CPQ: variants seen among roughly 807,000 people sequenced by gnomAD.
CPQ encodes carboxypeptidase Q.
CPQ carries 37 observed loss-of-function variants against 45.7 expected under a neutral mutation model. The observed-to-expected ratio is 0.81, with a 90% CI of 0.62 to 1.07. The LOEUF (loss-of-function observed/expected upper bound fraction) is 1.07. Among genes scored for constraint, CPQ ranks in the 50% least tolerant of loss-of-function variants. CPQ has a pLI of 0.00. For missense variants in CPQ, 537 were observed against 572.9 expected (o/e 0.94, Z 0.64); for synonymous variants, 186 against 205.8 (o/e 0.90, Z 0.82).
rs1327185423 is a variant in CPQ at position 96,879,782 on chromosome 8, G to T, written c.642-16G>T. ...ATTTCCACTTTCAAGGTAACCTGGT[G>T]GCTTCTTCTCTCAAGTCCTCACACA... On this transcript the variant is annotated splice_polypyrimidine_tract_variant and intron_variant, in intron 3 of 7. Transcript: ENST00000220763. 1 of 1,607,868 alleles carries T rather than the reference G, an allele frequency of 6.2e-7. No individual in the cohort carries two copies. Among genetic ancestry groups the T allele is most frequent in the East Asian group, 2.2e-5 (1 of 44,832 alleles).
intron 3 of CPQ, among the ~76,000 whole-genome samples, chr8:96,864,367 G>A (rs1811969019): frequency 6.6e-6 from 1 of 152,030 alleles, no homozygotes; most frequent in Admixed American, 6.6e-5. Flanking sequence ...GAGACTTTAT[G>A]CATGGCCCCA....
At chr8:96,766,336 CTG>C (rs1002823278) in intron 1 of CPQ, among the ~76,000 whole-genome samples, 5 of 152,206 alleles carry the variant, frequency 3.3e-5, no homozygotes, top group African/African-American at 1.2e-4. Flanking sequence ...GTTGTCATCT[CTG>C]TCACTTGGTG....
intron 1 of CPQ, among the ~76,000 whole-genome samples, chr8:96,777,562 C>G (rs1246796824): frequency 6.6e-6 from 1 of 151,442 alleles, no homozygotes; most frequent in African/African-American, 2.4e-5. Flanking sequence ...TTACTTATTA[C>G]CTATACGGTT....
chr8:96,783,064 G>T (rs905472333), intron 1 of CPQ, among the ~76,000 whole-genome samples: 1 of 152,080 alleles, frequency 6.6e-6, no homozygotes, highest in Non-Finnish European at 1.5e-5. Flanking sequence ...TTTCTCTCTG[G>T]CTCATCTGCT....
intron 7 of CPQ, among the ~76,000 whole-genome samples, chr8:97,120,895 G>A (rs1218680325): frequency 6.6e-6 from 1 of 152,130 alleles, no homozygotes; most frequent in African/African-American, 2.4e-5. Context: ...ACTGACAATA[G>A]CTACCATATT....
chr8:97,121,821 CA>C, intron 7 of CPQ, among the ~76,000 whole-genome samples: 1 of 151,938 alleles, frequency 6.6e-6, no homozygotes, highest in South Asian at 2.1e-4. Flanking sequence ...GAAAAGGAAT[CA>C]AATGTAATTC....
At chr8:96,699,583 A>G (rs570706986) in intron 1 of CPQ, among the ~76,000 whole-genome samples, 1 of 152,270 alleles carries the variant, frequency 6.6e-6, no homozygotes, top group East Asian at 1.9e-4. Context: ...CTTTATCAAA[A>G]TATTTTATGT....
chr8:96,913,031 C>G (rs1450884366), intron 4 of CPQ, among the ~76,000 whole-genome samples: 1 of 152,186 alleles, frequency 6.6e-6, no homozygotes, highest in Non-Finnish European at 1.5e-5. Context: ...CTCACACATG[C>G]ACAAGCACCT....
chr8:96,664,496 G>A (rs150022742), intron 1 of CPQ, among the ~76,000 whole-genome samples: 161 of 152,292 alleles, frequency 1.1e-3, no homozygotes, highest in African/African-American at 3.8e-3. Flanking sequence ...AATTTGATAC[G>A]TGTCAACTGA....
chr8:97,108,649 C>A (rs181302351), intron 7 of CPQ, among the ~76,000 whole-genome samples: 1 of 152,030 alleles, frequency 6.6e-6, no homozygotes, highest in South Asian at 2.1e-4. Flanking sequence ...AGGAAGTCAC[C>A]GGGGAGGGGA....
intron 2 of CPQ, among the ~76,000 whole-genome samples, chr8:96,815,167 CAT>C (rs1213444821): frequency 6.6e-6 from 1 of 151,696 alleles, no homozygotes; most frequent in Non-Finnish European, 1.5e-5. Flanking sequence ...AATTGTATGA[CAT>C]GTGAATTTAA....
At chr8:97,121,155 T>C (rs1351189411) in intron 7 of CPQ, among the ~76,000 whole-genome samples, 1 of 152,218 alleles carries the variant, frequency 6.6e-6, no homozygotes, top group Non-Finnish European at 1.5e-5. Flanking sequence ...AACTGTCAGG[T>C]GCTGAAATGT....
rs1232465778 is a variant in CPQ, at chr8:97,143,029, T to C, written c.1265T>C (p.Leu422Pro). 6 of 1,613,876 alleles carry C rather than the reference T, an allele frequency of 3.7e-6. No homozygotes were observed. Among genetic ancestry groups the C allele is most frequent in the Non-Finnish European group, 5.1e-6 (6 of 1,179,812 alleles). The change falls in exon 8 of 8, where the codon CTA (leucine) becomes CCA (proline). Residue 422 changes from leucine (L) to proline (P), a missense_variant. By Grantham distance (98) the Leu-to-Pro change is moderately conservative. Coordinates refer to ENST00000220763, the MANE Select transcript of CPQ (RefSeq NM_016134.4). ...WIQAGVPGAS[L>P]LDDLYKYFFF... is the part of the protein sequence containing the mutation. ...CCTCTTTTATCCCCAGGAGCCAGTCTACTTGATGACTTATACAAGTATTTC... is the reference window on the plus strand; with the variant it reads ...CCTCTTTTATCCCCAGGAGCCAGTCCACTTGATGACTTATACAAGTATTTC...
chr8:96,849,212 C>T (rs542644014), intron 3 of CPQ, among the ~76,000 whole-genome samples: 60 of 152,188 alleles, frequency 3.9e-4, no homozygotes, highest in African/African-American at 4.8e-4. Flanking sequence ...AGGTTGTGTT[C>T]GCAATAGCAT....
At chr8:96,952,417 G>A (rs2130339915) in intron 4 of CPQ, among the ~76,000 whole-genome samples, 1 of 152,164 alleles carries the variant, frequency 6.6e-6, no homozygotes, top group African/African-American at 2.4e-5. Flanking sequence ...AATCATTGTA[G>A]GTTTCCTAAT....
intron 7 of CPQ, among the ~76,000 whole-genome samples, chr8:97,139,863 G>A (rs1043144272): frequency 6.6e-6 from 1 of 151,640 alleles, no homozygotes; most frequent in African/African-American, 2.4e-5. Context: ...GAAAGGAGGA[G>A]TAAAATAATA....
At chr8:96,857,502 T>C (rs548045431) in intron 3 of CPQ, among the ~76,000 whole-genome samples, 1 of 152,250 alleles carries the variant, frequency 6.6e-6, no homozygotes, top group Non-Finnish European at 1.5e-5. Flanking sequence ...TTTCACTGGG[T>C]TGTTGGTCAG....
At chr8:96,810,416 T>C (rs1414127895) in intron 2 of CPQ, among the ~76,000 whole-genome samples, 2 of 152,142 alleles carry the variant, frequency 1.3e-5, no homozygotes, top group African/African-American at 4.8e-5. Flanking sequence ...GAAGGAAGAT[T>C]ATTTGAATCC....
At chr8:96,968,288 C>A (rs1433782187) in intron 5 of CPQ, among the ~76,000 whole-genome samples, 9 of 152,132 alleles carry the variant, frequency 5.9e-5, no homozygotes, top group Admixed American at 5.2e-4. Context: ...ACTTCTATAT[C>A]CTGCTTATGT....
Sources: allele counts gnomAD v4.1 joint callset (sites outside exome capture counted in the v4.1 genomes callset), GRCh38; gene constraint gnomAD v4.1.1; transcripts MANE v1.5; gene names NCBI Gene and HGNC (gene_info 2026-07-23, HGNC 2026-07-21).